CEP44: variants seen among roughly 807,000 people sequenced by gnomAD.
The protein encoded by CEP44 is centrosomal protein 44.
In CEP44, 45 loss-of-function variants were observed where a neutral mutation model predicts 46.7. The observed-to-expected ratio is 0.96, with a 90% CI of 0.76 to 1.24. The LOEUF (loss-of-function observed/expected upper bound fraction) is 1.24, where lower values mean the gene tolerates loss of function less well. CEP44 is among the 50% of genes most tolerant of loss of function. The pLI is 0.00. For missense variants in CEP44, 475 were observed against 459.7 expected, an observed-to-expected ratio of 1.03 and a Z score of -0.30; for synonymous variants, 142 against 146.0, an observed-to-expected ratio of 0.97 and a Z score of 0.20.
chr4:174,333,349 A>T (rs1274560055), exon 9 of CEP44: 2 of 149,978 alleles, frequency 1.3e-5, no homozygotes, highest in Non-Finnish European at 3.0e-5. Flanking sequence ...TTCATATGAC[A>T]GACCTATTCT....
chr4:174,308,539 G>C, intron 6 of CEP44, 150 bp from the exon 7 acceptor site: 2 of 690,554 alleles, frequency 2.9e-6, no homozygotes, highest in South Asian at 4.1e-5. Context: ...TAATACCTGG[G>C]TGATGAAATA....
rs7662899 is a variant in CEP44 at position 174,311,813 on chromosome 4, T to C, written c.961+955T>C. 8.0e-3 allele frequency among the ~76,000 whole-genome samples: 1,219 copies of C among 152,314 alleles called. 19 individuals carry two copies. The highest frequency in any genetic ancestry group is 0.027 in the African/African-American group (1,143 of 41,564). On this transcript the variant is annotated intron_variant, in intron 9 of 11. Transcript: ENST00000503780. The surrounding 1 kb of genome is among the most constrained non-coding windows in gnomAD (Gnocchi z 4.4). ...CAGGCAACTGATCTGAAGTTTTTTC[T>C]TGACTGCTGCATATTTGGAGCACAT...
chr4:174,323,507 A>C (rs1018669333), downstream of CEP44, among the ~76,000 whole-genome samples: 4 of 152,032 alleles, frequency 2.6e-5, no homozygotes, highest in African/African-American at 9.7e-5. Flanking sequence ...TGAGTTTTGC[A>C]GTGGAGAAAA....
At chr4:174,315,227 G>A (rs115082616) in intron 9 of CEP44, among the ~76,000 whole-genome samples, 9,708 of 149,128 alleles carry the variant, frequency 0.065, 419 homozygotes, top group South Asian at 0.21. Context: ...TTAAATGGGT[G>A]TCTAATTTTT....
downstream of CEP44, among the ~76,000 whole-genome samples, chr4:174,323,249 A>T (rs1391953883): frequency 6.6e-6 from 1 of 152,178 alleles, no homozygotes; most frequent in Non-Finnish European, 1.5e-5. Flanking sequence ...GCTTGCCTGA[A>T]GCAGCAGCTG....
Position 174,320,016 on chromosome 4 carries a change from T to C in CEP44, c.*2633T>C. On this transcript the variant is annotated 3_prime_UTR_variant, in exon 12 of 12. Transcript: ENST00000503780. ...AGTAAAATTTTCACTTTCATTCTTT[T>C]CATTCTCTCATAAACTGGTTGAAAA... is the stretch of plus-strand genomic sequence containing the variant. 1.0e-6 allele frequency: 1 copy of C among 985,320 alleles called. No individual in the cohort carries two copies. The highest frequency in any genetic ancestry group is 4.7e-5 in the South Asian group (1 of 21,284). 61.0% of individuals were successfully genotyped at this position (985,320 alleles called of 1,614,324 possible).
chr4:174,318,424 A>T lies in CEP44; in HGVS notation c.*1041A>T, dbSNP rs1370013665. On this transcript the variant is annotated 3_prime_UTR_variant, in exon 12 of 12. Transcript: ENST00000503780. ...GGTGTTGTGTTTTGTTTTTTTAATG[A>T]TGAAAAGTTACACATTTTTTGGAGA... 1 of 984,604 alleles carries T rather than the reference A, an allele frequency of 1.0e-6. No homozygotes were observed. The highest frequency in any genetic ancestry group is 6.2e-5 in the Admixed American group (1 of 16,254). The allele number at this position is 984,604 out of a possible 1,614,324, so 61.0% of individuals were successfully genotyped here.
intron 8 of CEP44, among the ~76,000 whole-genome samples, chr4:174,330,884 A>G (rs1452650773): frequency 1.3e-5 from 2 of 152,220 alleles, no homozygotes; most frequent in African/African-American, 4.8e-5. Flanking sequence ...AATATTTACC[A>G]TAATCTTTTA....
chr4:174,315,793 A>G (rs1044283819), intron 9 of CEP44, among the ~76,000 whole-genome samples: 38 of 149,934 alleles, frequency 2.5e-4, no homozygotes, highest in African/African-American at 8.8e-4. Context: ...GTGAGCCGAG[A>G]TCGCGCCACT....
At chr4:174,295,226 C>T (rs1738822017) in intron 1 of CEP44, among the ~76,000 whole-genome samples, 1 of 150,606 alleles carries the variant, frequency 6.6e-6, no homozygotes, top group South Asian at 2.1e-4. Flanking sequence ...CCTCACTTCT[C>T]ATATGGGGCG....
chr4:174,323,957 T>C (rs900993216), downstream of CEP44, among the ~76,000 whole-genome samples: 1 of 152,162 alleles, frequency 6.6e-6, no homozygotes. Context: ...TAGTTACATA[T>C]TGCTTAGTTG....
chr4:174,323,772 C>T (rs1282797869), downstream of CEP44, among the ~76,000 whole-genome samples: 1 of 152,016 alleles, frequency 6.6e-6, no homozygotes, highest in African/African-American at 2.4e-5. Flanking sequence ...GAGTTTTTGG[C>T]CTTCTGATGT....
downstream of CEP44, among the ~76,000 whole-genome samples, chr4:174,324,921 G>A (rs551261982): frequency 2.6e-5 from 4 of 152,208 alleles, no homozygotes; most frequent in Non-Finnish European, 4.4e-5. Context: ...AGCAGGCAGT[G>A]TCCTCCCCTA....
chr4:174,295,289 C>T (rs1184540030), intron 1 of CEP44, among the ~76,000 whole-genome samples: 48 of 151,470 alleles, frequency 3.2e-4, no homozygotes, highest in Admixed American at 5.9e-4. Flanking sequence ...TGGGCAGAGA[C>T]GCTCCTCACC....
rs1739211084 is a variant in CEP44 at position 174,297,672 on chromosome 4, G to A, written c.-147-294G>A. Reference sequence around the variant, plus strand: ...TATTAGTGTGTGTGTGTGTGTGTGTGTGTGTGTGTGTGTTTTCATTAATAC... The same window carrying A: ...TATTAGTGTGTGTGTGTGTGTGTGTATGTGTGTGTGTGTTTTCATTAATAC... On this transcript the variant is annotated intron_variant, in intron 1 of 11. Coordinates refer to ENST00000503780, the MANE Select transcript of CEP44 (RefSeq NM_001040157.3). The surrounding 1 kb of genome is among the most constrained non-coding windows in gnomAD (Gnocchi z 4.3). Among the ~76,000 whole-genome samples the A allele has an allele frequency of 6.6e-6, 1 of 152,010 alleles. No individual in the cohort carries two copies. The highest frequency in any genetic ancestry group is 1.5e-5 in the Non-Finnish European group (1 of 67,996).
At chr4:174,298,765 C>T (rs537999692) in intron 2 of CEP44, among the ~76,000 whole-genome samples, 2 of 151,552 alleles carry the variant, frequency 1.3e-5, no homozygotes, top group East Asian at 1.9e-4. Context: ...TCTTCTCAAA[C>T]GGTGCTTTAT....
chr4:174,308,695 G>A lies in CEP44; in HGVS notation c.514G>A (p.Ala172Thr), dbSNP rs561221477. ...CATATTTTTCTCTATGCAGAAGAAAGCTGTGGTGATTCGTCACTTGTATAA... is the reference window on the plus strand; with the variant it reads ...CATATTTTTCTCTATGCAGAAGAAAACTGTGGTGATTCGTCACTTGTATAA... ...GRFMTSGKKK[A>T]VVIRHLYNED... Residue 172 changes from alanine (A) to threonine (T), a missense_variant, in exon 7 of 12, where the codon GCT becomes ACT. Coordinates refer to ENST00000503780, the MANE Select transcript of CEP44 (RefSeq NM_001040157.3). 9 of 1,602,270 alleles carry A rather than the reference G, an allele frequency of 5.6e-6. No homozygotes were observed. In the South Asian group the frequency reaches 6.7e-5, roughly 12 times the overall value.
At chr4:174,320,404 A>G (rs1742207685), downstream of CEP44, 2 of 778,704 alleles carry the variant, frequency 2.6e-6, no homozygotes, top group Admixed American at 6.3e-5. Context: ...AAAAATTAAT[A>G]TAACCTTCTC....
chr4:174,308,703 G>C lies in CEP44; in HGVS notation c.522G>C (p.Val174=), dbSNP rs765154254. The C allele has an allele frequency of 1.2e-6, 2 of 1,604,070 alleles. No individual in the cohort carries two copies. The highest frequency in any genetic ancestry group is 1.7e-6 in the Non-Finnish European group (2 of 1,173,340). Reference sequence around the variant, plus strand: ...TCTCTATGCAGAAGAAAGCTGTGGTGATTCGTCACTTGTATAATGAAGATA... The same window carrying C: ...TCTCTATGCAGAAGAAAGCTGTGGTCATTCGTCACTTGTATAATGAAGATA... ...FMTSGKKKAV[V]IRHLYNEDNV... The change falls in exon 7 of 12, where the codon GTG becomes GTC. Residue 174 remains valine, a synonymous_variant. Coordinates refer to ENST00000503780, the MANE Select transcript of CEP44 (RefSeq NM_001040157.3).
Sources: allele counts gnomAD v4.1 joint callset (sites outside exome capture counted in the v4.1 genomes callset), GRCh38; gene constraint gnomAD v4.1.1; non-coding constraint Gnocchi (gnomAD v3.1); transcripts MANE v1.5; gene names NCBI Gene and HGNC (gene_info 2026-07-23, HGNC 2026-07-21).